Variants in ZC3H12B observed in about 807,000 individuals in gnomAD.
ZC3H12B encodes the protein zinc finger CCCH-type containing 12B.
ZC3H12B carries 7 observed loss-of-function variants against 43.9 expected under a neutral mutation model. The observed-to-expected ratio is 0.16, with a 90% CI of 0.09 to 0.30. The LOEUF (loss-of-function observed/expected upper bound fraction) is 0.30, where lower values mean the gene tolerates loss of function less well. Among genes scored for constraint, ZC3H12B ranks in the 10% least tolerant of loss-of-function variants. The pLI, the probability that ZC3H12B is intolerant of heterozygous loss-of-function variation, is 1.00. For synonymous variants in ZC3H12B, 222 were observed against 241.7 expected (o/e 0.92, Z 0.76); for missense variants, 475 against 670.2 (o/e 0.71, Z 3.22).
chrX:65,372,179 A>C (rs1035236034), intron 2 of ZC3H12B, among the ~76,000 whole-genome samples: 1 of 112,233 alleles, frequency 8.9e-6, no homozygotes, highest in Non-Finnish European at 1.9e-5. Flanking sequence ...GGAAGCCATT[A>C]ACTTGCTTAT....
the ZC3H12B span, among the ~76,000 whole-genome samples, chrX:65,245,041 G>A: frequency 9.0e-6 from 1 of 110,942 alleles, no homozygotes; most frequent in Non-Finnish European, 1.9e-5. Context: ...CATCACAATC[G>A]GAAATGACAA....
At chrX:65,248,747 T>C in the ZC3H12B span, among the ~76,000 whole-genome samples, 1 of 112,051 alleles carries the variant, frequency 8.9e-6, no homozygotes, top group East Asian at 2.8e-4. Flanking sequence ...CATCTACTAT[T>C]TTTTTGATTT....
At chrX:65,249,433 C>A in the ZC3H12B span, among the ~76,000 whole-genome samples, 1 of 112,028 alleles carries the variant, frequency 8.9e-6, no homozygotes, top group African/African-American at 3.2e-5. Context: ...ACTTTTATAC[C>A]AGTAACATGC....
At chrX:65,379,033 G>A (rs1459055534) in intron 2 of ZC3H12B, among the ~76,000 whole-genome samples, 7 of 112,089 alleles carry the variant, frequency 6.2e-5, no homozygotes, top group Non-Finnish European at 9.4e-5. Context: ...GCTAGGGGAG[G>A]GGTGCCCGCA....
the ZC3H12B span, among the ~76,000 whole-genome samples, chrX:65,139,483 A>G: frequency 3.2e-4 from 36 of 111,753 alleles, no homozygotes; most frequent in Admixed American, 1.4e-3. Context: ...TTTTGTTGCT[A>G]TAGCTATGTG....
At chrX:65,089,959 G>A in the ZC3H12B span, among the ~76,000 whole-genome samples, 1 of 111,472 alleles carries the variant, frequency 9.0e-6, no homozygotes, top group Non-Finnish European at 1.9e-5. Context: ...CTTCTGGAAT[G>A]CCTTCTGAAA....
At chrX:65,314,776 A>T in the ZC3H12B span, among the ~76,000 whole-genome samples, 3 of 111,463 alleles carry the variant, frequency 2.7e-5, no homozygotes, top group Non-Finnish European at 5.7e-5. Flanking sequence ...GTGTATATAT[A>T]TATAACTATC....
the ZC3H12B span, among the ~76,000 whole-genome samples, chrX:65,361,363 T>G: frequency 8.9e-6 from 1 of 112,254 alleles, no homozygotes; most frequent in Non-Finnish European, 1.9e-5. Flanking sequence ...TTATATTTTT[T>G]GGGTTCTTGC....
chrX:65,363,209 C>T (rs1211417387), upstream of ZC3H12B, among the ~76,000 whole-genome samples: 2 of 111,227 alleles, frequency 1.8e-5, no homozygotes, highest in Non-Finnish European at 3.8e-5. Flanking sequence ...TCCTTTGAAT[C>T]TTCTCAACAA....
At chrX:65,301,991 C>G in the ZC3H12B span, among the ~76,000 whole-genome samples, 1 of 109,961 alleles carries the variant, frequency 9.1e-6, no homozygotes, top group Non-Finnish European at 1.9e-5. Flanking sequence ...AAAAAAAAAA[C>G]TTTTTAGCAA....
At chrX:65,109,258 A>G in the ZC3H12B span, among the ~76,000 whole-genome samples, 3 of 111,669 alleles carry the variant, frequency 2.7e-5, no homozygotes, top group African/African-American at 6.5e-5. Context: ...GATGGCTTTT[A>G]GTATTTTCAA....
At chrX:65,461,353 G>T (rs1464670819) in intron 3 of ZC3H12B, among the ~76,000 whole-genome samples, 3 of 112,137 alleles carry the variant, frequency 2.7e-5, no homozygotes, top group African/African-American at 6.5e-5. Flanking sequence ...CCATTACTGG[G>T]TATATAACCA....
chrX:65,152,210 T>G, the ZC3H12B span, among the ~76,000 whole-genome samples: 2 of 111,468 alleles, frequency 1.8e-5, no homozygotes, highest in African/African-American at 6.5e-5. Flanking sequence ...CTACTCAACA[T>G]AGTGTTGGAA....
intron 3 of ZC3H12B, among the ~76,000 whole-genome samples, chrX:65,423,064 C>CTGGGACTA (rs2148088458): frequency 9.3e-6 from 1 of 107,364 alleles, no homozygotes; most frequent in East Asian, 2.9e-4. Flanking sequence ...TCCTGAGTAG[C>CTGGGACTA]TGGGACTACA....
chrX:65,231,437 C>T, the ZC3H12B span, among the ~76,000 whole-genome samples: 156 of 111,098 alleles, frequency 1.4e-3, no homozygotes, highest in Non-Finnish European at 2.4e-3. Context: ...ATTTCCTAGT[C>T]CTAGTAAGCC....
intron 3 of ZC3H12B, among the ~76,000 whole-genome samples, chrX:65,425,672 G>C (rs958563542): frequency 9.0e-6 from 1 of 111,167 alleles, no homozygotes; most frequent in African/African-American, 3.3e-5. Flanking sequence ...TAACACGAAG[G>C]GATGTTGAAT....
At chrX:65,118,701 G>T in the ZC3H12B span, among the ~76,000 whole-genome samples, 1 of 109,284 alleles carries the variant, frequency 9.2e-6, no homozygotes, top group Non-Finnish European at 1.9e-5. Context: ...TGCACAACCT[G>T]CAGGTTTGTT....
chrX:65,231,614 G>T, the ZC3H12B span, among the ~76,000 whole-genome samples: 1 of 111,013 alleles, frequency 9.0e-6, no homozygotes, highest in African/African-American at 3.3e-5. Flanking sequence ...ATTCCTTGCT[G>T]GGAAAAGAAT....
chrX:65,354,414 A>G, the ZC3H12B span, among the ~76,000 whole-genome samples: 1 of 112,081 alleles, frequency 8.9e-6, no homozygotes, highest in Non-Finnish European at 1.9e-5. Context: ...AATAGCATCA[A>G]CATCAACAAA....
Sources: allele counts gnomAD v4.1 joint callset (sites outside exome capture counted in the v4.1 genomes callset), GRCh38; gene constraint gnomAD v4.1.1; transcripts MANE v1.5; gene names NCBI Gene and HGNC (gene_info 2026-07-23, HGNC 2026-07-21).